The following RSF1 variants were observed in gnomAD, a reference collection of about 807,000 sequenced individuals.
The protein encoded by RSF1 is remodeling and spacing factor 1, also known as HBV pX-associated protein 8.
Under a neutral mutation model 145.2 loss-of-function variants are expected in RSF1, and 13 were observed. The ratio of observed to expected loss-of-function variants is 0.09; its 90% confidence interval spans 0.06 to 0.14. RSF1 has a LOEUF of 0.14. RSF1 is among the 10% of genes least tolerant of loss of function. RSF1 has a pLI of 1.00. For synonymous variants in RSF1, 577 were observed against 592.6 expected (o/e 0.97, Z 0.38); for missense variants, 1,517 against 1,718.2 (o/e 0.88, Z 2.07).
chr11:77,804,376 T>C (rs1451176430), intron 1 of RSF1, among the ~76,000 whole-genome samples: 1 of 152,134 alleles, frequency 6.6e-6, no homozygotes, highest in African/African-American at 2.4e-5. Context: ...GAAGGGCAGG[T>C]AGCATGGGGA....
chr11:77,872,153 C>A, the RSF1 span: 1 of 1,606,848 alleles, frequency 6.2e-7, no homozygotes, highest in South Asian at 1.1e-5. Context: ...CCTACTTACT[C>A]ATCTCTTTTC....
chr11:77,769,443 T>C (rs1411258035), intron 1 of RSF1, among the ~76,000 whole-genome samples: 5 of 152,230 alleles, frequency 3.3e-5, no homozygotes, highest in Admixed American at 6.5e-5. Flanking sequence ...TTTGTCCTAA[T>C]TGAACTGAAA....
At chr11:77,775,839 GCTCACTGACTGCAGC>G (rs749225860) in intron 1 of RSF1, among the ~76,000 whole-genome samples, 12 of 152,098 alleles carry the variant, frequency 7.9e-5, no homozygotes, top group Non-Finnish European at 1.0e-4. Flanking sequence ...CACGATCGGG[GCTCACTGACTGCAGC>G]CTCAAACTCC....
chr11:77,781,302 T>C (rs966942468), intron 1 of RSF1, among the ~76,000 whole-genome samples: 5 of 152,202 alleles, frequency 3.3e-5, no homozygotes, highest in African/African-American at 1.2e-4. Context: ...TGTCACCATG[T>C]TGGCCAGACT....
intron 4 of RSF1, among the ~76,000 whole-genome samples, chr11:77,726,659 C>A: frequency 6.6e-6 from 1 of 152,058 alleles, no homozygotes. Flanking sequence ...TCTAGATATG[C>A]CACTAGATTA....
the RSF1 span, among the ~76,000 whole-genome samples, chr11:77,828,678 A>T: frequency 4.4e-3 from 665 of 152,128 alleles, 5 homozygotes; most frequent in African/African-American, 0.015. Flanking sequence ...TCGAAAAAAA[A>T]AAAAAAAAGA....
intron 1 of RSF1, among the ~76,000 whole-genome samples, chr11:77,809,256 C>A (rs1948708638): frequency 6.6e-6 from 1 of 152,118 alleles, no homozygotes; most frequent in South Asian, 2.1e-4. Context: ...TGGTAGATGA[C>A]TTTATCATGG....
intron 2 of RSF1, among the ~76,000 whole-genome samples, chr11:77,756,403 T>G (rs1590869617): frequency 6.7e-6 from 1 of 150,118 alleles, no homozygotes; most frequent in South Asian, 2.2e-4. Flanking sequence ...CTTACTACAA[T>G]AATAACATTT....
the RSF1 span, chr11:77,850,658 C>G: frequency 6.6e-6 from 1 of 152,124 alleles, no homozygotes; most frequent in South Asian, 2.1e-4. Context: ...AATGTTAAAC[C>G]TACAGAATAG....
At chr11:77,704,352 C>A (rs1960493356) in intron 5 of RSF1, among the ~76,000 whole-genome samples, 1 of 152,102 alleles carries the variant, frequency 6.6e-6, no homozygotes, top group African/African-American at 2.4e-5. Flanking sequence ...AAACCTTCAA[C>A]CCAATACTAA....
chr11:77,757,150 G>GT (rs976242951), intron 2 of RSF1, among the ~76,000 whole-genome samples: 10 of 152,162 alleles, frequency 6.6e-5, no homozygotes, highest in African/African-American at 2.4e-4. Context: ...AAAAAACTAT[G>GT]TTTTTTAAAG....
chr11:77,749,981 T>C (rs556488200), intron 2 of RSF1, among the ~76,000 whole-genome samples: 1 of 152,224 alleles, frequency 6.6e-6, no homozygotes, highest in South Asian at 2.1e-4. Context: ...ATTCCTGACC[T>C]TGCGATTCGC....
chr11:77,680,238 A>G (rs1959821573), intron 11 of RSF1, among the ~76,000 whole-genome samples: 1 of 152,076 alleles, frequency 6.6e-6, no homozygotes, highest in Non-Finnish European at 1.5e-5. Context: ...GTTGAGACCA[A>G]TCTGGGCTAT....
At chr11:77,858,611 G>C in the RSF1 span, among the ~76,000 whole-genome samples, 2 of 152,136 alleles carry the variant, frequency 1.3e-5, no homozygotes, top group African/African-American at 2.4e-5. Context: ...AATCCAGCTA[G>C]TCCTGTCTCT....
At chr11:77,667,574 C>A in intron 15 of RSF1, 83 bp from the exon 16 acceptor site, 1 of 1,240,868 alleles carries the variant, frequency 8.1e-7, no homozygotes, top group Non-Finnish European at 1.1e-6. Context: ...ATATTCACCC[C>A]ACGTCCTGCT....
chr11:77,804,775 AGCC>A (rs1948660894), intron 1 of RSF1, among the ~76,000 whole-genome samples: 2 of 152,240 alleles, frequency 1.3e-5, no homozygotes, highest in Non-Finnish European at 2.9e-5. Flanking sequence ...GGCTGCAGTA[AGCC>A]GTGATTCCAC....
At chr11:77,853,894 T>C in the RSF1 span, among the ~76,000 whole-genome samples, 1 of 151,732 alleles carries the variant, frequency 6.6e-6, no homozygotes, top group African/African-American at 2.4e-5. Flanking sequence ...TGAGCTGAGA[T>C]TGCACCACTG....
chr11:77,826,995 C>T, the RSF1 span, among the ~76,000 whole-genome samples: 5 of 152,168 alleles, frequency 3.3e-5, no homozygotes, highest in East Asian at 1.9e-4. Flanking sequence ...GTCCCTGCTA[C>T]GCAGGAGGCT....
At chr11:77,740,539 C>T (rs1961483655) in intron 4 of RSF1, among the ~76,000 whole-genome samples, 192 bp downstream of exon 4, 1 of 152,050 alleles carries the variant, frequency 6.6e-6, no homozygotes, top group Non-Finnish European at 1.5e-5. Flanking sequence ...ACTGAATATA[C>T]TCATTTACTT....
Sources: gnomAD v4.1 joint callset for allele counts (sites outside exome capture counted in the v4.1 genomes callset) on GRCh38, gnomAD v4.1.1 for gene constraint, MANE v1.5 for transcripts, NCBI Gene and HGNC (gene_info 2026-07-23, HGNC 2026-07-21) for gene names.